Variants in PEAK1 observed in about 807,000 individuals in gnomAD.
The protein encoded by PEAK1 is inactive tyrosine-protein kinase PEAK1.
In PEAK1, 54 loss-of-function variants were observed where a neutral mutation model predicts 124.7. The observed-to-expected ratio is 0.43, with a 90% confidence interval of 0.35 to 0.54. PEAK1 has a LOEUF of 0.54. Ranked by LOEUF, PEAK1 falls within the 20% of genes least tolerant of loss-of-function variation. The pLI, the probability that PEAK1 is intolerant of heterozygous loss-of-function variation, is 0.01. For missense variants in PEAK1, 2,046 were observed against 2,134.5 expected (o/e 0.96, Z 0.82); for synonymous variants, 719 against 760.0 (o/e 0.95, Z 0.89).
At chr15:77,212,473 C>T (rs1440208080) in intron 6 of PEAK1, among the ~76,000 whole-genome samples, 1 of 152,120 alleles carries the variant, frequency 6.6e-6, no homozygotes, top group Non-Finnish European at 1.5e-5. Context: ...AGTCAGTCTC[C>T]TAAATTTTAA....
intron 2 of PEAK1, among the ~76,000 whole-genome samples, chr15:77,292,846 A>G (rs1479155187): frequency 6.6e-6 from 1 of 152,184 alleles, no homozygotes; most frequent in Non-Finnish European, 1.5e-5. Flanking sequence ...AACTTGTGAC[A>G]TATGACATAC....
Position 77,110,833 on chromosome 15 carries a change from T to C in PEAK1, c.*3323A>G, listed in dbSNP as rs1002084051. 1.3e-5 allele frequency: 2 copies of C among 152,278 alleles called. No homozygotes were observed. The highest frequency in any genetic ancestry group is 4.8e-5 in the African/African-American group (2 of 41,466). The allele number at this position is 152,278 out of a possible 1,614,324, so 9.4% of individuals were successfully genotyped here. Reference sequence around the variant, plus strand: ...CTGTTATTCTTCATGAATTGGCTTCTAGGCAACCCAGTAGTGTACATATAC... The same window carrying C: ...CTGTTATTCTTCATGAATTGGCTTCCAGGCAACCCAGTAGTGTACATATAC... On this transcript the variant is annotated 3_prime_UTR_variant, in exon 10 of 10. Coordinates refer to ENST00000682557, the MANE Select transcript of PEAK1 (RefSeq NM_001385026.1).
At chr15:77,332,230 C>T (rs1296552027) in intron 2 of PEAK1, 1 of 983,638 alleles carries the variant, frequency 1.0e-6, no homozygotes, top group African/African-American at 1.8e-5. Flanking sequence ...CCTTTTTTGA[C>T]AAAACACAAA....
At chr15:77,354,542 C>T (rs531490957) in intron 2 of PEAK1, among the ~76,000 whole-genome samples, 121 of 152,294 alleles carry the variant, frequency 7.9e-4, no homozygotes, top group Non-Finnish European at 1.4e-3. Flanking sequence ...AATCAAAACC[C>T]TTTGATACAG....
intron 8 of PEAK1, among the ~76,000 whole-genome samples, chr15:77,146,367 C>A (rs1209582395): frequency 6.6e-6 from 1 of 152,154 alleles, no homozygotes; most frequent in Non-Finnish European, 1.5e-5. Context: ...CCAAAGAAAA[C>A]TTTGGGTTTA....
intron 6 of PEAK1, among the ~76,000 whole-genome samples, chr15:77,232,590 C>T (rs997657629): frequency 6.6e-6 from 1 of 152,170 alleles, no homozygotes; most frequent in Non-Finnish European, 1.5e-5. Context: ...CAAAATTCTA[C>T]CAACCTAACT....
At chr15:77,129,599 C>CTTTTTT (rs148499293) in intron 9 of PEAK1, among the ~76,000 whole-genome samples, 1 of 130,002 alleles carries the variant, frequency 7.7e-6, no homozygotes, top group Admixed American at 7.5e-5. Flanking sequence ...CAATGACTGG[C>CTTTTTT]TATTTTTTTT....
intron 5 of PEAK1, among the ~76,000 whole-genome samples, chr15:77,261,629 C>A (rs942374704): frequency 2.0e-5 from 3 of 152,170 alleles, no homozygotes; most frequent in Non-Finnish European, 2.9e-5. Flanking sequence ...AAATCTATAT[C>A]TGATTGGTGT....
intron 1 of PEAK1, chr15:77,404,434 GA>G (rs1336124460): frequency 7.4e-6 from 5 of 679,866 alleles, no homozygotes; most frequent in South Asian, 6.6e-5. Flanking sequence ...TTGGAAGACA[GA>G]AAAAATAGAA....
intron 6 of PEAK1, among the ~76,000 whole-genome samples, chr15:77,232,118 C>G (rs975893340): frequency 6.6e-6 from 1 of 152,164 alleles, no homozygotes; most frequent in Non-Finnish European, 1.5e-5. Context: ...CACTGAGATA[C>G]AAAATCATTG....
At chr15:77,356,123 TG>T (rs1310107151) in intron 2 of PEAK1, among the ~76,000 whole-genome samples, 1 of 152,212 alleles carries the variant, frequency 6.6e-6, no homozygotes, top group African/African-American at 2.4e-5. Flanking sequence ...GGGATAAGAA[TG>T]TCAAGGAAGA....
intron 1 of PEAK1, among the ~76,000 whole-genome samples, chr15:77,394,825 G>C (rs2070757895): frequency 6.6e-6 from 1 of 152,200 alleles, no homozygotes. Flanking sequence ...ATCCTGGAGA[G>C]ACAGAGATAA....
intron 6 of PEAK1, among the ~76,000 whole-genome samples, chr15:77,236,236 A>T (rs531467670): frequency 2.6e-5 from 4 of 152,328 alleles, no homozygotes; most frequent in African/African-American, 9.6e-5. Flanking sequence ...AGCGGCAGAC[A>T]TTCAGTGCCA....
At chr15:77,359,941 T>C (rs905806048) in intron 2 of PEAK1, among the ~76,000 whole-genome samples, 5 of 152,150 alleles carry the variant, frequency 3.3e-5, no homozygotes, top group Non-Finnish European at 5.9e-5. Flanking sequence ...AAAATTCATA[T>C]GGTAATATAA....
chr15:77,277,537 G>A (rs2062399713), intron 5 of PEAK1, among the ~76,000 whole-genome samples: 1 of 152,268 alleles, frequency 6.6e-6, no homozygotes, highest in East Asian at 1.9e-4. Flanking sequence ...GAATGGTACA[G>A]TAAATATGGT....
In PEAK1 at chr15:77,313,702, A is replaced by G. The variant is rs867529622; in HGVS notation, c.-602-27198T>C. 4.4e-3 allele frequency among the ~76,000 whole-genome samples: 525 copies of G among 119,340 alleles called. 5 individuals carry two copies. The highest frequency in any genetic ancestry group is 5.9e-3 in the Non-Finnish European group (346 of 59,082). The allele number at this position is 119,340 out of a possible 152,430, so 78.3% of individuals were successfully genotyped here. On this transcript the variant is annotated intron_variant, in intron 2 of 9. Coordinates refer to ENST00000682557, the MANE Select transcript of PEAK1 (RefSeq NM_001385026.1). Reference sequence around the variant, plus strand: ...TGTGTGTGTGTGTGTGTATATATATATATGTATGTGTGTGTGTGTGTGTGT... The same window carrying G: ...TGTGTGTGTGTGTGTGTATATATATGTATGTATGTGTGTGTGTGTGTGTGT...
chr15:77,183,730 T>G (rs1016431957), intron 6 of PEAK1, among the ~76,000 whole-genome samples: 2 of 152,022 alleles, frequency 1.3e-5, no homozygotes, highest in African/African-American at 4.8e-5. Context: ...GGACTTTGTA[T>G]TTGGAATATA....
intron 8 of PEAK1, among the ~76,000 whole-genome samples, chr15:77,150,285 G>C (rs1245639621): frequency 6.6e-6 from 1 of 152,054 alleles, no homozygotes; most frequent in Non-Finnish European, 1.5e-5. Context: ...GGCTAAGATC[G>C]ACTCGATTCC....
intron 6 of PEAK1, among the ~76,000 whole-genome samples, chr15:77,199,192 T>C (rs2058246507): frequency 6.6e-6 from 1 of 152,206 alleles, no homozygotes; most frequent in Non-Finnish European, 1.5e-5. Context: ...GAGAACCCTT[T>C]TTCCAGATTG....
Sources: gnomAD v4.1 joint callset for allele counts (sites outside exome capture counted in the v4.1 genomes callset) on GRCh38, gnomAD v4.1.1 for gene constraint, MANE v1.5 for transcripts, NCBI Gene and HGNC (gene_info 2026-07-23, HGNC 2026-07-21) for gene names.